TAF1A: variants seen among roughly 807,000 people sequenced by gnomAD.
TAF1A encodes TATA-box binding protein associated factor, RNA polymerase I subunit A.
Under a neutral mutation model 61.6 loss-of-function variants are expected in TAF1A, and 42 were observed. That is an observed-to-expected ratio of 0.68 (90% CI 0.53 to 0.88). TAF1A has a LOEUF of 0.88. Ranked by LOEUF, TAF1A falls within the 40% of genes least tolerant of loss-of-function variation. The probability of loss-of-function intolerance (pLI) is 0.00; values close to 1 mark genes in which losing one functional copy is unlikely to be tolerated. For synonymous variants in TAF1A, 179 were observed against 177.7 expected (o/e 1.01, Z -0.06); for missense variants, 424 against 518.7 (o/e 0.82, Z 1.77).
At chr1:222,580,108 TATTA>T (rs1660730405) in intron 3 of TAF1A, among the ~76,000 whole-genome samples, 1 of 152,204 alleles carries the variant, frequency 6.6e-6, no homozygotes, top group Non-Finnish European at 1.5e-5. Flanking sequence ...ATAGCATCAT[TATTA>T]ATTTAGTAGT....
chr1:222,569,167 G>T (rs572957549), intron 7 of TAF1A: 1 of 854,316 alleles, frequency 1.2e-6, no homozygotes, highest in Non-Finnish European at 1.5e-6. Context: ...GGTGGTTCAT[G>T]AATGTAACGC....
In TAF1A at chr1:222,564,316, T is replaced by TAA. The variant is rs34892481; in HGVS notation, c.895-193_895-192dup. On this transcript the variant is annotated intron_variant, in intron 7 of 10. Transcript: ENST00000352967. Reference sequence around the variant, plus strand: ...AAAAGCATTCTCTGTAAAGCTGTCTTAAAAAAAAAAAAAAAAAAAAGGCCC... The same window carrying TAA: ...AAAAGCATTCTCTGTAAAGCTGTCTTAAAAAAAAAAAAAAAAAAAAAAGGCCC... Among the ~76,000 whole-genome samples the TAA allele has an allele frequency of 4.5e-3, 503 of 110,580 alleles. 2 individuals carry two copies. The highest frequency in any genetic ancestry group is 0.013 in the Middle Eastern group (2 of 160). 72.5% of individuals were successfully genotyped at this position (110,580 alleles called of 152,430 possible).
rs192793643 is a variant in TAF1A at position 222,576,278 on chromosome 1, A to T, written c.604+1167T>A. 7.1e-4 allele frequency among the ~76,000 whole-genome samples: 108 copies of T among 152,320 alleles called. 1 individual carries two copies. Among genetic ancestry groups the T allele is most frequent in the African/African-American group, 2.5e-3 (105 of 41,574 alleles). On this transcript the variant is annotated intron_variant, in intron 5 of 10. Transcript: ENST00000352967. ...GCCTCACAAGATTATCATGATGAAG[A>T]GAGCATTTCAGAGTATCTTGAAAGA... is the stretch of plus-strand genomic sequence containing the variant.
At chr1:222,577,153 G>A (rs1406120489) in intron 5 of TAF1A, among the ~76,000 whole-genome samples, 1 of 146,080 alleles carries the variant, frequency 6.8e-6, no homozygotes, top group Non-Finnish European at 1.5e-5. Flanking sequence ...AGTAGTTACT[G>A]AATCAAACCT....
At chr1:222,586,237 G>A (rs1419795406) in intron 2 of TAF1A, among the ~76,000 whole-genome samples, 3 of 152,184 alleles carry the variant, frequency 2.0e-5, no homozygotes, top group Non-Finnish European at 4.4e-5. Flanking sequence ...CTACACCAAA[G>A]CTGCTCGGCA....
chr1:222,570,356 C>T (rs140414141), intron 6 of TAF1A, among the ~76,000 whole-genome samples, 179 bp downstream of exon 6: 2 of 152,154 alleles, frequency 1.3e-5, no homozygotes, highest in East Asian at 1.9e-4. Flanking sequence ...TTGGCCACGA[C>T]GGGTTATACA....
rs1438935755 is a variant in TAF1A, at chr1:222,561,487, T to C, written c.1117A>G (p.Asn373Asp). Residue 373 changes from asparagine to aspartate, a missense_variant, in exon 10 of 11, where the codon AAC becomes GAC. Physicochemically the swap from Asn to Asp is conservative, Grantham distance 23 (BLOSUM62 1). Transcript: ENST00000352967. The part of the protein sequence containing the change: ...NHLAWVQEEW[N>D]SRKNWWPGFH... ...CCTGGCCACCAGTTTTTCCTGGAGTTCCACTCTTCTTGAACCCACGCAAGG... is the reference window on the plus strand; with the variant it reads ...CCTGGCCACCAGTTTTTCCTGGAGTCCCACTCTTCTTGAACCCACGCAAGG... 6.2e-7 allele frequency: 1 copy of C among 1,611,610 alleles called. No individual in the cohort carries two copies. Among genetic ancestry groups the C allele is most frequent in the African/African-American group, 1.3e-5 (1 of 74,834 alleles).
intron 7 of TAF1A, 147 bp from the exon 8 acceptor site, chr1:222,564,272 A>T: frequency 3.9e-6 from 1 of 259,638 alleles, no homozygotes; most frequent in East Asian, 7.8e-5. Flanking sequence ...CTCTTTATCT[A>T]GTTTCAATCT....
chr1:222,569,134 A>G, intron 7 of TAF1A: 1 of 582,678 alleles, frequency 1.7e-6, no homozygotes, highest in Non-Finnish European at 2.3e-6. Context: ...GGCGACAGAA[A>G]TGTTCTATAT....
chr1:222,577,145 T>C (rs563329431), intron 5 of TAF1A, among the ~76,000 whole-genome samples: 4 of 151,594 alleles, frequency 2.6e-5, no homozygotes, highest in Admixed American at 1.3e-4. Context: ...CTCCTGTCAG[T>C]AGTTACTGAA....
chr1:222,558,791 TA>T lies in TAF1A; in HGVS notation c.1241-20del. 1 of 1,353,278 alleles carries T rather than the reference TA, an allele frequency of 7.4e-7. No individual in the cohort carries two copies. Among genetic ancestry groups the T allele is most frequent in the Non-Finnish European group, 1.0e-6 (1 of 991,614 alleles). The allele number at this position is 1,353,278 out of a possible 1,614,324, so 83.8% of individuals were successfully genotyped here. A position where few individuals can be genotyped will look rare whatever the true frequency, so the allele number is the denominator to read the frequency against. On this transcript the variant is annotated intron_variant, in intron 10 of 10. Coordinates refer to ENST00000352967, the MANE Select transcript of TAF1A (RefSeq NM_005681.4). ...CTACAACCTAAAAAGTTAAGCAAAATAAAAAGTTTTAATACTCATCACATTT... is the reference window on the plus strand; with the variant it reads ...CTACAACCTAAAAAGTTAAGCAAAATAAAAGTTTTAATACTCATCACATTT...
chr1:222,577,661 G>C lies in TAF1A; in HGVS notation c.406-18C>G. Reference sequence around the variant, plus strand: ...AAGGAGATCTGCAAAAATAATAAGGGTACACCGCCATTTAAGCCATTAGAT... The same window carrying C: ...AAGGAGATCTGCAAAAATAATAAGGCTACACCGCCATTTAAGCCATTAGAT... On this transcript the variant is annotated intron_variant, in intron 4 of 10. Transcript: ENST00000352967. 1 of 1,607,214 alleles carries C rather than the reference G, an allele frequency of 6.2e-7. No homozygotes were observed. The highest frequency in any genetic ancestry group is 8.5e-7 in the Non-Finnish European group (1 of 1,174,468).
intron 6 of TAF1A, among the ~76,000 whole-genome samples, chr1:222,569,916 C>T (rs2102650751): frequency 6.6e-6 from 1 of 152,266 alleles, no homozygotes; most frequent in Admixed American, 6.5e-5. Flanking sequence ...ATGCAGCTAA[C>T]CTCAGTGCCC....
chr1:222,582,463 T>C (rs1300562796), intron 3 of TAF1A, among the ~76,000 whole-genome samples: 2 of 152,108 alleles, frequency 1.3e-5, no homozygotes, highest in Non-Finnish European at 2.9e-5. Context: ...TTGGCAAGGA[T>C]TAGAGAAATT....
At chr1:222,576,309 G>A (rs900784692) in intron 5 of TAF1A, among the ~76,000 whole-genome samples, 1 of 152,158 alleles carries the variant, frequency 6.6e-6, no homozygotes, top group Non-Finnish European at 1.5e-5. Flanking sequence ...AAAGAAGAGG[G>A]AAGGGAATCG....
At chr1:222,555,911 G>A (rs528240165), downstream of TAF1A, among the ~76,000 whole-genome samples, 46 of 152,172 alleles carry the variant, frequency 3.0e-4, no homozygotes, top group Admixed American at 3.3e-4. Context: ...TAAAATAGTC[G>A]TGACGAATGG....
intron 1 of TAF1A, 123 bp from the exon 2 acceptor site, chr1:222,588,688 C>T: frequency 1.0e-6 from 1 of 995,262 alleles, no homozygotes; most frequent in Admixed American, 3.0e-5. Context: ...ATGCATTATA[C>T]CTGTCAGCTC....
chr1:222,573,989 G>A (rs78523404), intron 5 of TAF1A, among the ~76,000 whole-genome samples: 8 of 150,084 alleles, frequency 5.3e-5, no homozygotes, highest in African/African-American at 4.9e-5. Context: ...TTCTGTTAGG[G>A]AAAAAAAAAA....
At chr1:222,554,542 C>T (rs1016397411), downstream of TAF1A, among the ~76,000 whole-genome samples, 3 of 137,498 alleles carry the variant, frequency 2.2e-5, no homozygotes, top group African/African-American at 7.4e-5. Context: ...CAGAAAAAGC[C>T]CTTGTGCTGT....
Sources: gnomAD v4.1 joint callset for allele counts (sites outside exome capture counted in the v4.1 genomes callset) on GRCh38, gnomAD v4.1.1 for gene constraint, MANE v1.5 for transcripts, NCBI Gene and HGNC (gene_info 2026-07-23, HGNC 2026-07-21) for gene names.